Variants in NOS3 observed in about 807,000 individuals in gnomAD.
NOS3 encodes nitric oxide synthase 3.
Under a neutral mutation model 144.9 loss-of-function variants are expected in NOS3, and 98 were observed. The ratio of observed to expected loss-of-function variants is 0.68; its 90% CI spans 0.57 to 0.80. The LOEUF (loss-of-function observed/expected upper bound fraction) is 0.80, where lower values mean the gene tolerates loss of function less well. Among genes scored for constraint, NOS3 ranks in the 30% least tolerant of loss-of-function variants. NOS3 has a pLI of 0.00. For missense variants in NOS3, 1,465 were observed against 1,656.4 expected, an observed-to-expected ratio of 0.88 and a Z score of 2.01; for synonymous variants, 714 against 702.4, an observed-to-expected ratio of 1.02 and a Z score of -0.26.
intron 14 of NOS3, among the ~76,000 whole-genome samples, chr7:151,005,384 G>C (rs776197835): frequency 3.9e-5 from 6 of 152,158 alleles, no homozygotes; most frequent in Non-Finnish European, 8.8e-5. Flanking sequence ...TGGGAGGTCC[G>C]CTTGATGCCA....
At chr7:151,010,007 C>A in intron 20 of NOS3, 108 bp from the exon 21 acceptor site, 1 of 734,918 alleles carries the variant, frequency 1.4e-6, no homozygotes, top group Non-Finnish European at 2.3e-6. Flanking sequence ...AGGCCGACCC[C>A]GCTGCTCAAG....
intron 23 of NOS3, chr7:151,012,147 A>G (rs1795317678): frequency 1.9e-6 from 1 of 527,280 alleles, no homozygotes. Context: ...TCCAAAATGA[A>G]CTATATTTCC....
rs1344517843 is a variant in NOS3, at chr7:151,007,148, G to A, written c.1984G>A (p.Ala662Thr). ...LGSRAYPHFCAFARAVDTRLE... is the reference protein window; with the variant it reads ...LGSRAYPHFCTFARAVDTRLE... ...CTCCCGGGCATACCCCCACTTCTGCGCCTTTGCTCGTGCCGTGGACACACG... is the reference window on the plus strand; with the variant it reads ...CTCCCGGGCATACCCCCACTTCTGCACCTTTGCTCGTGCCGTGGACACACG... Residue 662 changes from alanine (A) to threonine (T), a missense_variant, in exon 17 of 27, where the codon GCC becomes ACC. Physicochemically the swap from Ala to Thr is moderately conservative, Grantham distance 58. Around this residue, in one of 5 missense-constraint regions of NOS3, gnomAD observed 745 missense variants for 853.9 expected, o/e 0.87. Transcript: ENST00000297494. 4.3e-6 allele frequency: 7 copies of A among 1,613,830 alleles called. No homozygotes were observed. Among genetic ancestry groups the A allele is most frequent in the Non-Finnish European group, 5.9e-6 (7 of 1,179,996 alleles).
chr7:150,995,422 T>A, intron 3 of NOS3, 108 bp downstream of exon 3: 1 of 687,030 alleles, frequency 1.5e-6, no homozygotes, highest in Non-Finnish European at 2.5e-6. Context: ...AATTGGTCCC[T>A]TGTTTCCAAA....
chr7:151,008,337 C>A (rs369935793), intron 17 of NOS3, among the ~76,000 whole-genome samples: 3 of 152,192 alleles, frequency 2.0e-5, no homozygotes, highest in Non-Finnish European at 1.5e-5. Flanking sequence ...GTGAGCCCTG[C>A]ATTTCAAGCC....
intron 26 of NOS3, 32 bp downstream of exon 26, chr7:151,013,950 G>T: frequency 1.2e-6 from 2 of 1,603,492 alleles, no homozygotes; most frequent in African/African-American, 1.3e-5. Context: ...CTGAGCGTGC[G>T]GGGTTCCTGC....
At chr7:151,006,817 T>G in intron 15 of NOS3, 72 bp from the exon 16 acceptor site, 1 of 1,231,242 alleles carries the variant, frequency 8.1e-7, no homozygotes, top group Admixed American at 1.7e-5. Flanking sequence ...AAGCCGTCCC[T>G]GGGGCTGGGG....
rs1050532407 is a variant in NOS3 at position 151,009,896 on chromosome 7, G to T, written c.2513-219G>T. ...GCTATTTGCTGCCACATCAATGCCT[G>T]GGCTTTATTTAAAATAAGGGGGTGG... is the stretch of plus-strand genomic sequence containing the variant. On this transcript the variant is annotated intron_variant, in intron 20 of 26. Coordinates refer to ENST00000297494, the MANE Select transcript of NOS3 (RefSeq NM_000603.5). Among the ~76,000 whole-genome samples the T allele has an allele frequency of 2.0e-4, 30 of 152,190 alleles. 2 individuals carry two copies. Among genetic ancestry groups the T allele is most frequent in the Non-Finnish European group, 5.9e-5 (4 of 68,016 alleles).
At position 150,998,789 on chromosome 7, in the gene NOS3, A is replaced by G; in HGVS notation, c.816+109A>G. On this transcript the variant is annotated intron_variant, in intron 7 of 26. Coordinates refer to ENST00000297494, the MANE Select transcript of NOS3 (RefSeq NM_000603.5). The surrounding 1 kb of genome is among the most constrained non-coding windows in gnomAD (Gnocchi z 5.0). ...AGGAAGAGGGGAGCCTCGGTGAGATAAAGGATGAAAAACACCAAAGGAGGG... is the reference window on the plus strand; with the variant it reads ...AGGAAGAGGGGAGCCTCGGTGAGATGAAGGATGAAAAACACCAAAGGAGGG... 6.8e-7 allele frequency: 1 copy of G among 1,473,546 alleles called. No homozygotes were observed. Among genetic ancestry groups the G allele is most frequent in the South Asian group, 1.3e-5 (1 of 78,588 alleles). The allele number at this position is 1,473,546 out of a possible 1,614,324, so 91.3% of individuals were successfully genotyped here.
intron 1 of NOS3, among the ~76,000 whole-genome samples, chr7:150,991,586 C>T (rs938977683): frequency 6.6e-5 from 10 of 152,138 alleles, no homozygotes; most frequent in East Asian, 5.8e-4. Context: ...AGTGCCAAAG[C>T]GTAAGGTAAG....
chr7:151,012,293 G>A, intron 23 of NOS3, 58 bp from the exon 24 acceptor site: 1 of 1,497,862 alleles, frequency 6.7e-7, no homozygotes, highest in African/African-American at 1.4e-5. Context: ...ACCCTGCATG[G>A]TGAGAATGGT....
At chr7:151,011,611 CAAAAAAA>C (rs371264947) in intron 23 of NOS3, among the ~76,000 whole-genome samples, 2 of 126,860 alleles carry the variant, frequency 1.6e-5, no homozygotes, top group African/African-American at 5.9e-5. Flanking sequence ...GACTCTGTCT[CAAAAAAA>C]AAAAAAAAAA....
rs575182058 is a variant in NOS3 at position 151,002,847 on chromosome 7, G to A, written c.1752+543G>A. ...TTATTTATTTTGAGAACCTATTTAC[G>A]TTGCCCAGGCTGGCCTTGAACTCCT... is the stretch of plus-strand genomic sequence containing the variant. On this transcript the variant is annotated intron_variant, in intron 14 of 26. Coordinates refer to ENST00000297494, the MANE Select transcript of NOS3 (RefSeq NM_000603.5). The surrounding 1 kb of genome is among the most constrained non-coding windows in gnomAD (Gnocchi z 4.1). 10 of 201,366 alleles carry A rather than the reference G, an allele frequency of 5.0e-5. No homozygotes were observed. The highest frequency in any genetic ancestry group is 1.6e-4 in the East Asian group (1 of 6,236). The allele number at this position is 201,366 out of a possible 1,614,324, so 12.5% of individuals were successfully genotyped here. A position where few individuals can be genotyped will look rare whatever the true frequency, so the allele number is the denominator to read the frequency against.
At chr7:151,005,724 G>A (rs996129225) in intron 14 of NOS3, among the ~76,000 whole-genome samples, 1 of 152,198 alleles carries the variant, frequency 6.6e-6, no homozygotes, top group Admixed American at 6.5e-5. Flanking sequence ...CCAGACCACC[G>A]AGCTGCCCTT....
At position 150,993,386 on chromosome 7, in the gene NOS3, A is replaced by G. The variant is rs1449953424; in HGVS notation, c.-51-367A>G. Among the ~76,000 whole-genome samples the G allele has an allele frequency of 2.6e-5, 4 of 152,046 alleles. No individual in the cohort carries two copies. The highest frequency in any genetic ancestry group is 4.4e-5 in the Non-Finnish European group (3 of 67,998). On this transcript the variant is annotated intron_variant, in intron 1 of 26. Coordinates refer to ENST00000297494, the MANE Select transcript of NOS3 (RefSeq NM_000603.5). This position sits in a 1 kb window ranked among gnomAD's most constrained non-coding sequence, Gnocchi z 4.0. The stretch of plus-strand genomic sequence containing the variant: ...AGAAACGGTGCTCACCTTCTGCCCA[A>G]CCCTCCAGGGAAAGGCACACAGGGG...
rs1253756980 is a variant in NOS3 at position 150,998,619 on chromosome 7, C to T, written c.755C>T (p.Ala252Val). The change falls in exon 7 of 27, where the codon GCG (alanine) becomes GTG (valine). Residue 252 changes from alanine (A) to valine (V), a missense_variant. Ala to Val is a moderately conservative substitution (Grantham distance 64). Around this residue, in one of 5 missense-constraint regions of NOS3, gnomAD observed 374 missense variants for 377.0 expected, o/e 0.99. Coordinates refer to ENST00000297494, the MANE Select transcript of NOS3 (RefSeq NM_000603.5). The surrounding 1 kb of genome is among the most constrained non-coding windows in gnomAD (Gnocchi z 5.0). ...RIWNSQLVRYAGYRQQDGSVR... is the reference protein window; with the variant it reads ...RIWNSQLVRYVGYRQQDGSVR... Reference sequence around the variant, plus strand: ...TGGAACAGCCAGCTGGTGCGCTACGCGGGCTACCGGCAGCAGGATGGCTCT... The same window carrying T: ...TGGAACAGCCAGCTGGTGCGCTACGTGGGCTACCGGCAGCAGGATGGCTCT... 9.3e-6 allele frequency: 15 copies of T among 1,608,806 alleles called. No individual in the cohort carries two copies. Among genetic ancestry groups the T allele is most frequent in the Admixed American group, 1.7e-5 (1 of 59,418 alleles).
intron 2 of NOS3, among the ~76,000 whole-genome samples, chr7:150,994,444 C>T (rs1249752335): frequency 6.6e-6 from 1 of 152,130 alleles, no homozygotes; most frequent in Non-Finnish European, 1.5e-5. Flanking sequence ...GCAGGAAACT[C>T]GGGCCCTTGG....
Position 150,999,262 on chromosome 7 carries a change from T to G in NOS3, c.1029T>G (p.Ile343Met), listed in dbSNP as rs1795019559. The G allele has an allele frequency of 6.2e-7, 1 of 1,612,150 alleles. No homozygotes were observed. The highest frequency in any genetic ancestry group is 8.5e-7 in the Non-Finnish European group (1 of 1,179,796). ...CAGTGTCCAACATGCTGCTGGAAAT[T>G]GGGGGCCTGGAGTTCCCCGCAGCCC... The part of the protein sequence containing the change: ...LPAVSNMLLE[I>M]GGLEFPAAPF... The change falls in exon 9 of 27, where the codon ATT (isoleucine) becomes ATG (methionine). Residue 343 changes from isoleucine (I) to methionine (M), a missense_variant. Physicochemically the swap from Ile to Met is conservative, Grantham distance 10. Transcript: ENST00000297494.
rs200424809 is a variant in NOS3, at chr7:151,013,786, C to T, written c.3318C>T (p.Leu1106=). ...LAAEVHRVLC[L]ERGHMFVCGD... ...CGGAGGTGCACCGCGTGCTGTGCCTCGAGCGGGGCCACATGTTTGTCTGCG... is the reference window on the plus strand; with the variant it reads ...CGGAGGTGCACCGCGTGCTGTGCCTTGAGCGGGGCCACATGTTTGTCTGCG... The change falls in exon 26 of 27, where the codon CTC becomes CTT. Residue 1106 remains leucine (L), a synonymous_variant. Transcript: ENST00000297494. 22 of 1,611,268 alleles carry T rather than the reference C, an allele frequency of 1.4e-5. No individual in the cohort carries two copies. The East Asian group carries it at 3.6e-4, about 26-fold the overall frequency.
Sources: gnomAD v4.1 joint callset for allele counts (sites outside exome capture counted in the v4.1 genomes callset) on GRCh38, gnomAD v4.1.1 for gene constraint, gnomAD v4.1.1 regional missense constraint, Gnocchi (gnomAD v3.1) non-coding constraint, MANE v1.5 for transcripts, NCBI Gene and HGNC (gene_info 2026-07-23, HGNC 2026-07-21) for gene names.